The following CLCN7 variants were observed in gnomAD, a reference collection of about 807,000 sequenced individuals.
CLCN7 encodes Cl-/H+ antiporter 7.
Under a neutral mutation model 102.1 loss-of-function variants are expected in CLCN7, and 60 were observed. The ratio of observed to expected loss-of-function variants is 0.59; its 90% CI spans 0.48 to 0.73. The LOEUF is 0.73. Ranked by LOEUF, CLCN7 falls within the 30% of genes least tolerant of loss-of-function variation. CLCN7 has a pLI of 0.00. For synonymous variants in CLCN7, 560 were observed against 490.5 expected (o/e 1.14, Z -1.87); for missense variants, 962 against 1,125.7 (o/e 0.85, Z 2.08).
At chr16:1,454,792 G>A (rs906952246) in intron 12 of CLCN7, among the ~76,000 whole-genome samples, 1 of 152,236 alleles carries the variant, frequency 6.6e-6, no homozygotes, top group South Asian at 2.1e-4. Flanking sequence ...GGCACGGAGA[G>A]TCTCCCCAGC....
intron 15 of CLCN7, 168 bp from the exon 16 acceptor site, chr16:1,451,884 G>A: frequency 1.5e-6 from 1 of 647,410 alleles, no homozygotes; most frequent in Non-Finnish European, 2.8e-6. Context: ...AGAGGGCAAG[G>A]AGGACACACA....
intron 23 of CLCN7, 47 bp from the exon 24 acceptor site, chr16:1,447,133 AGGCG>A (rs765557095): frequency 1.4e-4 from 219 of 1,528,764 alleles, no homozygotes; most frequent in Non-Finnish European, 1.8e-4. Flanking sequence ...CAGCAGAGGC[AGGCG>A]GGACCCTCAC....
At position 1,453,970 on chromosome 16, in the gene CLCN7, A is replaced by G. The variant is rs1471524386; in HGVS notation, c.1154-76T>C. 9.0e-6 allele frequency: 13 copies of G among 1,445,112 alleles called. No individual in the cohort carries two copies. The African/African-American group carries it at 1.8e-4, about 20-fold the overall frequency. 89.5% of individuals were successfully genotyped at this position (1,445,112 alleles called of 1,614,324 possible). A position where few individuals can be genotyped will look rare whatever the true frequency, so the allele number is the denominator to read the frequency against. On this transcript the variant is annotated intron_variant, in intron 13 of 24. Transcript: ENST00000382745. Reference sequence around the variant, plus strand: ...CTCCGCCCGCCGGCTCCCAGATGGCAGGAGAAGCTGGAGGGTTTGCAGAGG... The same window carrying G: ...CTCCGCCCGCCGGCTCCCAGATGGCGGGAGAAGCTGGAGGGTTTGCAGAGG...
rs1275680536 is a variant in CLCN7, at chr16:1,455,790, C to T, written c.922G>A (p.Val308Ile). 1.2e-6 allele frequency: 2 copies of T among 1,613,490 alleles called. No individual in the cohort carries two copies. The highest frequency in any genetic ancestry group is 1.7e-5 in the Admixed American group (1 of 60,024). Residue 308 changes from valine to isoleucine, a missense_variant, in exon 11 of 25, where the codon GTC (valine) becomes ATC (isoleucine). Val to Ile is a conservative substitution (Grantham distance 29, BLOSUM62 3). Transcript: ENST00000382745. Reference protein sequence around the residue: ...SAAFGAPVGGVLFSLEEGASF... With the variant: ...SAAFGAPVGGILFSLEEGASF... ...GCACCCTCCTCCAAGCTGAACAGGACCCCACCTGGAAGGCAGGCGGCCGGC... is the reference window on the plus strand; with the variant it reads ...GCACCCTCCTCCAAGCTGAACAGGATCCCACCTGGAAGGCAGGCGGCCGGC...
intron 15 of CLCN7, chr16:1,451,956 C>G: frequency 1.9e-6 from 1 of 518,130 alleles, no homozygotes; most frequent in East Asian, 3.6e-5. Flanking sequence ...CAGCAGGGGG[C>G]CGTGTCTAGC....
intron 21 of CLCN7, 45 bp downstream of exon 21, chr16:1,448,310 A>T: frequency 6.2e-7 from 1 of 1,609,262 alleles, no homozygotes; most frequent in East Asian, 2.2e-5. Context: ...AATGGACTCG[A>T]CAGAGGTCAC....
Position 1,449,113 on chromosome 16 carries a change from C to A in CLCN7, c.1670-20G>T, listed in dbSNP as rs1018277509. 2.5e-6 allele frequency: 4 copies of A among 1,612,702 alleles called. No homozygotes were observed. Among genetic ancestry groups the A allele is most frequent in the Middle Eastern group, 1.6e-4 (1 of 6,062 alleles). On this transcript the variant is annotated intron_variant, in intron 18 of 24. Transcript: ENST00000382745. The stretch of plus-strand genomic sequence containing the variant: ...TCCCGCCTGCGGGAGCCATCATGAA[C>A]CCCAGCACGTCCACCCTCCTGGCTC...
At chr16:1,463,426 G>A (rs1339750354) in intron 2 of CLCN7, among the ~76,000 whole-genome samples, 4 of 152,126 alleles carry the variant, frequency 2.6e-5, no homozygotes, top group Non-Finnish European at 5.9e-5. Context: ...TTGAGCCTGA[G>A]AGATGGAGTT....
At chr16:1,467,379 C>T (rs973441035) in intron 1 of CLCN7, among the ~76,000 whole-genome samples, 7 of 152,176 alleles carry the variant, frequency 4.6e-5, no homozygotes, top group Non-Finnish European at 7.4e-5. Flanking sequence ...CAGTCACAGG[C>T]GAAACTCACA....
intron 15 of CLCN7, 59 bp downstream of exon 15, chr16:1,452,696 C>T: frequency 6.5e-7 from 1 of 1,541,460 alleles, no homozygotes; most frequent in South Asian, 1.2e-5. Flanking sequence ...AGCGAGCCTC[C>T]TGGAGGCCGC....
At chr16:1,450,788 G>T in intron 16 of CLCN7, 122 bp from the exon 17 acceptor site, 1 of 817,110 alleles carries the variant, frequency 1.2e-6, no homozygotes, top group Non-Finnish European at 1.8e-6. Context: ...CTGAGCTCCC[G>T]AGCCCAGCGG....
At chr16:1,453,620 C>A (rs917450706) in intron 14 of CLCN7, among the ~76,000 whole-genome samples, 1 of 152,228 alleles carries the variant, frequency 6.6e-6, no homozygotes, top group Admixed American at 6.5e-5. Flanking sequence ...CAGGAGCCCT[C>A]GCACTCCTAG....
chr16:1,465,485 G>C, intron 1 of CLCN7, 147 bp from the exon 2 acceptor site: 1 of 750,048 alleles, frequency 1.3e-6, no homozygotes, highest in South Asian at 1.5e-5. Context: ...GCTGGGTGGG[G>C]GCAGCAGGGC....
Position 1,474,902 on chromosome 16 carries a change from G to A in CLCN7, c.73C>T (p.Arg25Trp). The A allele has an allele frequency of 2.7e-6, 4 of 1,460,868 alleles. No individual in the cohort carries two copies. 90.5% of individuals were successfully genotyped at this position (1,460,868 alleles called of 1,614,324 possible). The change falls in exon 1 of 25, where the codon CGG (arginine) becomes TGG (tryptophan). Residue 25 changes from arginine (R) to tryptophan (W), a missense_variant. By Grantham distance (101) the Arg-to-Trp change is moderately radical (BLOSUM62 -3). Coordinates refer to ENST00000382745, the MANE Select transcript of CLCN7 (RefSeq NM_001287.6). ...RDDEEAAPLL[R>W]RTARPGGGTP... is the part of the protein sequence containing the mutation. ...CCCCCGCCGGGCCGCGCCGTCCTCC[G>A]CAGCAGCGGCGCCGCCTCCTCGTCG...
intron 20 of CLCN7, 51 bp from the exon 21 acceptor site, chr16:1,448,535 C>G: frequency 6.2e-7 from 1 of 1,603,882 alleles, no homozygotes; most frequent in Non-Finnish European, 8.5e-7. Flanking sequence ...CCAACTCCCA[C>G]AGTTACCTCT....
At chr16:1,465,654 C>T (rs1025585468) in intron 1 of CLCN7, among the ~76,000 whole-genome samples, 3 of 152,116 alleles carry the variant, frequency 2.0e-5, no homozygotes, top group South Asian at 2.1e-4. Context: ...GACAACACGC[C>T]GCCCCCAATG....
chr16:1,449,620 G>C (rs1454355223), intron 17 of CLCN7: 1 of 535,740 alleles, frequency 1.9e-6, no homozygotes, highest in South Asian at 2.1e-5. Context: ...GCACCGTCCA[G>C]CATGAGGAGT....
intron 21 of CLCN7, 180 bp downstream of exon 21, chr16:1,448,175 C>T (rs556747957): frequency 4.6e-6 from 4 of 866,472 alleles, no homozygotes; most frequent in East Asian, 2.7e-5. Context: ...CAGCCCCCCC[C>T]ACCAGCCTCA....
intron 1 of CLCN7, chr16:1,474,364 C>G: frequency 2.8e-6 from 1 of 357,048 alleles, no homozygotes; most frequent in Non-Finnish European, 5.6e-6. Flanking sequence ...GTCATTCTCA[C>G]TGAAAGACAG....
Sources: allele counts gnomAD v4.1 joint callset (sites outside exome capture counted in the v4.1 genomes callset), GRCh38; gene constraint gnomAD v4.1.1; transcripts MANE v1.5; gene names NCBI Gene and HGNC (gene_info 2026-07-23, HGNC 2026-07-21).